DPP10: variants seen among roughly 807,000 people sequenced by gnomAD.
The protein encoded by DPP10 is dipeptidyl peptidase like 10.
In DPP10, 33 loss-of-function variants were observed where a neutral mutation model predicts 120.9. The observed-to-expected ratio is 0.27, with a 90% CI of 0.21 to 0.37. The LOEUF (loss-of-function observed/expected upper bound fraction) is 0.37, where lower values mean the gene tolerates loss of function less well. Among genes scored for constraint, DPP10 ranks in the 10% least tolerant of loss-of-function variants. The pLI, the probability that DPP10 is intolerant of heterozygous loss-of-function variation, is 1.00. For synonymous variants in DPP10, 337 were observed against 326.1 expected, an observed-to-expected ratio of 1.03 and a Z score of -0.36; for missense variants, 816 against 942.8, an observed-to-expected ratio of 0.87 and a Z score of 1.76.
At chr2:114,857,722 G>A (rs571582104) in intron 1 of DPP10, among the ~76,000 whole-genome samples, 25 of 152,100 alleles carry the variant, frequency 1.6e-4, no homozygotes, top group Non-Finnish European at 2.9e-4. Context: ...AATGTAGTAC[G>A]AAGACTTATA....
intron 1 of DPP10, among the ~76,000 whole-genome samples, chr2:114,500,304 A>T (rs1683042740): frequency 6.6e-6 from 1 of 152,232 alleles, no homozygotes; most frequent in Admixed American, 6.5e-5. Flanking sequence ...AAATCCCAGA[A>T]GAGAATTTGC....
chr2:114,780,542 T>G (rs1682228261), intron 1 of DPP10, among the ~76,000 whole-genome samples: 1 of 152,098 alleles, frequency 6.6e-6, no homozygotes, highest in African/African-American at 2.4e-5. Flanking sequence ...GATTTATTTA[T>G]TTGTTATCAC....
intron 1 of DPP10, among the ~76,000 whole-genome samples, chr2:114,777,853 A>G (rs951401762): frequency 6.6e-6 from 1 of 152,108 alleles, no homozygotes; most frequent in African/African-American, 2.4e-5. Flanking sequence ...TTACATAGTC[A>G]AAGAGTTCAC....
chr2:114,954,540 C>T (rs995488712), intron 1 of DPP10, among the ~76,000 whole-genome samples: 2 of 151,722 alleles, frequency 1.3e-5, no homozygotes, highest in Admixed American at 6.6e-5. Flanking sequence ...AACATTACAC[C>T]TCTAGGAACT....
chr2:115,434,539 A>T (rs1390012375), intron 3 of DPP10, among the ~76,000 whole-genome samples: 1 of 151,758 alleles, frequency 6.6e-6, no homozygotes, highest in Admixed American at 6.6e-5. Flanking sequence ...AAAAAAAATA[A>T]TTTTCATTTT....
intron 1 of DPP10, among the ~76,000 whole-genome samples, chr2:114,805,647 T>G (rs1017629959): frequency 6.6e-6 from 1 of 152,222 alleles, no homozygotes; most frequent in Non-Finnish European, 1.5e-5. Context: ...TTGTTTTGTT[T>G]TGTTTTTTCT....
intron 1 of DPP10, among the ~76,000 whole-genome samples, chr2:114,532,204 G>T (rs886534794): frequency 6.8e-6 from 1 of 146,104 alleles, no homozygotes; most frequent in African/African-American, 2.6e-5. Flanking sequence ...AGCAGACTGT[G>T]GGACTCCTTG....
At chr2:115,782,762 A>G (rs191985731) in intron 17 of DPP10, among the ~76,000 whole-genome samples, 3 of 152,220 alleles carry the variant, frequency 2.0e-5, no homozygotes, top group East Asian at 1.9e-4. Context: ...TTTTGAAGAC[A>G]TTTCAGAAAA....
intron 1 of DPP10, among the ~76,000 whole-genome samples, chr2:114,533,703 C>T (rs1686245452): frequency 6.6e-6 from 1 of 152,042 alleles, no homozygotes; most frequent in South Asian, 2.1e-4. Context: ...ATTGAAATAT[C>T]ATATTAATTG....
chr2:115,430,233 G>C (rs2070846194), intron 3 of DPP10, among the ~76,000 whole-genome samples: 1 of 152,114 alleles, frequency 6.6e-6, no homozygotes, highest in South Asian at 2.1e-4. Context: ...TTAACTGAAT[G>C]AATACAAGGT....
intron 5 of DPP10, among the ~76,000 whole-genome samples, chr2:115,657,963 A>G (rs1553472335): frequency 6.6e-6 from 1 of 151,868 alleles, no homozygotes; most frequent in South Asian, 2.1e-4. Context: ...CCTTTTTTCA[A>G]TATTTAAGAT....
At chr2:115,127,673 T>G (rs2050145924) in intron 1 of DPP10, among the ~76,000 whole-genome samples, 1 of 152,216 alleles carries the variant, frequency 6.6e-6, no homozygotes, top group Non-Finnish European at 1.5e-5. Flanking sequence ...CATATTTAAT[T>G]TGTAATGTTG....
intron 1 of DPP10, among the ~76,000 whole-genome samples, chr2:114,919,260 G>T (rs900812331): frequency 6.6e-6 from 1 of 152,024 alleles, no homozygotes; most frequent in Non-Finnish European, 1.5e-5. Context: ...GCATATCTCT[G>T]GCTAGAAAAA....
At chr2:114,580,780 A>C (rs573789223) in intron 1 of DPP10, among the ~76,000 whole-genome samples, 114 of 151,562 alleles carry the variant, frequency 7.5e-4, no homozygotes, top group Non-Finnish European at 1.5e-3. Flanking sequence ...TAGGAAGAAC[A>C]AAACATCAAC....
At chr2:115,743,860 CT>C (rs1427508563) in intron 9 of DPP10, among the ~76,000 whole-genome samples, 1 of 150,572 alleles carries the variant, frequency 6.6e-6, no homozygotes, top group African/African-American at 2.4e-5. Flanking sequence ...ACACATTAAG[CT>C]AAGCCTGTTC....
Position 115,542,921 on chromosome 2 carries a change from T to C in DPP10, c.441+16949T>C, listed in dbSNP as rs2079257924. ...GAAAAATAGTTTAATTGCAATTTTATCTTTTAAAAAGATTTCCATTTTAAA... is the reference window on the plus strand; with the variant it reads ...GAAAAATAGTTTAATTGCAATTTTACCTTTTAAAAAGATTTCCATTTTAAA... On this transcript the variant is annotated intron_variant, in intron 5 of 25. Transcript: ENST00000410059. 5.9e-5 allele frequency among the ~76,000 whole-genome samples: 9 copies of C among 152,014 alleles called. 1 individual carries two copies. The highest frequency in any genetic ancestry group is 5.3e-4 in the Admixed American group (8 of 15,216).
At chr2:115,409,996 T>C (rs562779259) in intron 3 of DPP10, among the ~76,000 whole-genome samples, 4 of 152,332 alleles carry the variant, frequency 2.6e-5, no homozygotes, top group South Asian at 2.1e-4. Flanking sequence ...ATATAATGTT[T>C]TGGGTTTTAC....
At position 114,645,866 on chromosome 2, in the gene DPP10, G is replaced by A. The variant is rs575801151; in HGVS notation, c.60+203028G>A. Among the ~76,000 whole-genome samples the A allele has an allele frequency of 2.6e-5, 4 of 152,164 alleles. No homozygotes were observed. In the South Asian group the frequency reaches 6.2e-4, roughly 24 times the overall value. ...TGAACCTCCAGGCCTTCTTAGAAAA[G>A]CTGAAAGAGGAATTAAAGGGGGATA... On this transcript the variant is annotated intron_variant, in intron 1 of 25. Transcript: ENST00000410059.
intron 5 of DPP10, chr2:115,579,610 T>C (rs965640580): frequency 1.3e-5 from 2 of 152,218 alleles, no homozygotes; most frequent in Admixed American, 1.3e-4. Flanking sequence ...TTACTTTTTC[T>C]TTTAAACCAG....
Sources: gnomAD v4.1 joint callset for allele counts (sites outside exome capture counted in the v4.1 genomes callset) on GRCh38, gnomAD v4.1.1 for gene constraint, MANE v1.5 for transcripts, NCBI Gene and HGNC (gene_info 2026-07-23, HGNC 2026-07-21) for gene names.